Variants in RXFP2 observed in about 807,000 individuals in gnomAD.
The protein encoded by RXFP2 is relaxin receptor 2.
In RXFP2, 68 loss-of-function variants were observed where a neutral mutation model predicts 88.6. That is an observed-to-expected ratio of 0.77 (90% CI 0.63 to 0.94). RXFP2 has a LOEUF of 0.94. Ranked by LOEUF, RXFP2 falls within the 40% of genes least tolerant of loss-of-function variation. The pLI is 0.00. For synonymous variants in RXFP2, 329 were observed against 306.8 expected, an observed-to-expected ratio of 1.07 and a Z score of -0.76; for missense variants, 791 against 893.9, an observed-to-expected ratio of 0.88 and a Z score of 1.47.
intron 6 of RXFP2, 124 bp downstream of exon 6, chr13:31,774,815 C>T: frequency 1.4e-6 from 1 of 703,940 alleles, no homozygotes; most frequent in South Asian, 1.5e-5. Flanking sequence ...TCACAAAGTA[C>T]TTAGATTAGT....
intron 1 of RXFP2, among the ~76,000 whole-genome samples, chr13:31,749,178 A>G (rs1377529013): frequency 6.6e-6 from 1 of 152,006 alleles, no homozygotes; most frequent in Non-Finnish European, 1.5e-5. Context: ...CTCCTTTCAT[A>G]TTTCAACCTA....
chr13:31,792,228 C>T (rs1873831382), intron 15 of RXFP2, among the ~76,000 whole-genome samples, 193 bp downstream of exon 15: 1 of 152,070 alleles, frequency 6.6e-6, no homozygotes, highest in African/African-American at 2.4e-5. Flanking sequence ...CTTACAGTGG[C>T]CTGCTCTCAG....
intron 5 of RXFP2, among the ~76,000 whole-genome samples, chr13:31,774,042 A>G (rs1202839508): frequency 6.6e-6 from 1 of 152,192 alleles, no homozygotes; most frequent in Non-Finnish European, 1.5e-5. Context: ...GTTGCTTCAG[A>G]GGTTAAGTCA....
intron 15 of RXFP2, among the ~76,000 whole-genome samples, chr13:31,792,294 A>G (rs1053358836): frequency 2.0e-5 from 3 of 152,192 alleles, no homozygotes; most frequent in Non-Finnish European, 4.4e-5. Flanking sequence ...GACAGATTAT[A>G]AAGTTTTGTG....
chr13:31,794,470 T>C (rs1873937365), intron 16 of RXFP2, among the ~76,000 whole-genome samples: 1 of 151,680 alleles, frequency 6.6e-6, no homozygotes, highest in Non-Finnish European at 1.5e-5. Context: ...GTGCACTATA[T>C]ACTATATTAG....
intron 4 of RXFP2, among the ~76,000 whole-genome samples, 169 bp downstream of exon 4, chr13:31,765,311 A>G (rs550734266): frequency 1.3e-5 from 2 of 152,332 alleles, no homozygotes; most frequent in South Asian, 4.1e-4. Flanking sequence ...AAAATGGTTT[A>G]CACACTGTAT....
Position 31,758,286 on chromosome 13 carries a change from C to T in RXFP2, c.123C>T (p.Ile41=). Residue 41 remains isoleucine (I), a synonymous_variant, in exon 2 of 18, where the codon ATC becomes ATT. Coordinates refer to ENST00000298386, the MANE Select transcript of RXFP2 (RefSeq NM_130806.5). Reference sequence around the variant, plus strand: ...TTGCACTGACTCAAGGTAGCATGATCACTCCTTCATGCCAAAAAGGATATT... The same window carrying T: ...TTGCACTGACTCAAGGTAGCATGATTACTCCTTCATGCCAAAAAGGATATT... ...KDFALTQGSM[I]TPSCQKGYFP... is the part of the protein sequence containing the mutation. 1 of 1,613,996 alleles carries T rather than the reference C, an allele frequency of 6.2e-7. No homozygotes were observed. Among genetic ancestry groups the T allele is most frequent in the Non-Finnish European group, 8.5e-7 (1 of 1,179,892 alleles).
intron 5 of RXFP2, among the ~76,000 whole-genome samples, chr13:31,769,865 T>C (rs995642060): frequency 6.6e-6 from 1 of 152,142 alleles, no homozygotes; most frequent in East Asian, 1.9e-4. Flanking sequence ...TGAAGGTCTT[T>C]TTGTATTTTC....
chr13:31,748,530 T>C (rs778376699), intron 1 of RXFP2, among the ~76,000 whole-genome samples: 8 of 152,240 alleles, frequency 5.3e-5, no homozygotes, highest in Non-Finnish European at 1.2e-4. Flanking sequence ...AGATATCCTC[T>C]TTCGTTCGGT....
chr13:31,773,102 A>C (rs1412889418), intron 5 of RXFP2, among the ~76,000 whole-genome samples: 3 of 152,226 alleles, frequency 2.0e-5, no homozygotes, highest in African/African-American at 7.2e-5. Flanking sequence ...CAAGGCTCTG[A>C]AAGTGCTAAA....
chr13:31,798,580 A>T (rs1874169135), intron 17 of RXFP2, among the ~76,000 whole-genome samples: 2 of 152,206 alleles, frequency 1.3e-5, no homozygotes, highest in Admixed American at 6.5e-5. Context: ...CTACCTGGAC[A>T]TCTCAATTTT....
chr13:31,743,093 T>A (rs902181407), intron 1 of RXFP2, among the ~76,000 whole-genome samples: 1 of 152,214 alleles, frequency 6.6e-6, no homozygotes, highest in Admixed American at 6.5e-5. Flanking sequence ...AATGTTGTTA[T>A]CAGAAAAGTG....
intron 1 of RXFP2, among the ~76,000 whole-genome samples, chr13:31,750,822 T>C (rs1871635342): frequency 6.6e-6 from 1 of 152,168 alleles, no homozygotes; most frequent in African/African-American, 2.4e-5. Flanking sequence ...GATTTAAGAA[T>C]GAAAGTGTGG....
intron 1 of RXFP2, among the ~76,000 whole-genome samples, chr13:31,744,765 C>T (rs1003442660): frequency 2.4e-4 from 36 of 151,450 alleles, no homozygotes; most frequent in African/African-American, 8.2e-4. Context: ...ATTCCAACTG[C>T]GTTTAAAGCT....
At chr13:31,768,785 C>T (rs1872640364) in intron 5 of RXFP2, among the ~76,000 whole-genome samples, 1 of 152,192 alleles carries the variant, frequency 6.6e-6, no homozygotes, top group Non-Finnish European at 1.5e-5. Context: ...TCAACTCCTC[C>T]TGCTCTTTTC....
intron 11 of RXFP2, among the ~76,000 whole-genome samples, chr13:31,783,299 G>T (rs1012460719): frequency 2.6e-5 from 4 of 152,256 alleles, no homozygotes; most frequent in Admixed American, 2.6e-4. Context: ...ATGGATCTAA[G>T]CCTTTTAAAA....
At chr13:31,800,651 G>A (rs7332460) in intron 17 of RXFP2, among the ~76,000 whole-genome samples, 88,138 of 152,070 alleles carry the variant, frequency 0.58, 25,735 homozygotes, top group East Asian at 0.77. Flanking sequence ...CCCTGAACAT[G>A]CCTGATTTCA....
intron 5 of RXFP2, among the ~76,000 whole-genome samples, chr13:31,769,271 T>C (rs564115978): frequency 6.6e-6 from 1 of 152,326 alleles, no homozygotes; most frequent in African/African-American, 2.4e-5. Context: ...AACAATTCAC[T>C]AATAATTTTG....
intron 1 of RXFP2, among the ~76,000 whole-genome samples, chr13:31,740,460 A>T (rs1471594711): frequency 6.6e-6 from 1 of 152,088 alleles, no homozygotes; most frequent in Non-Finnish European, 1.5e-5. Flanking sequence ...TTCTATTTTA[A>T]TTTGTATTTT....
Sources: gnomAD v4.1 joint callset for allele counts (sites outside exome capture counted in the v4.1 genomes callset) on GRCh38, gnomAD v4.1.1 for gene constraint, MANE v1.5 for transcripts, NCBI Gene and HGNC (gene_info 2026-07-23, HGNC 2026-07-21) for gene names.